Variants in EBF1 observed in about 807,000 individuals in gnomAD.
EBF1 encodes EBF transcription factor 1, also known as transcription factor COE1.
In EBF1, 10 loss-of-function variants were observed where a neutral mutation model predicts 68.4. The ratio of observed to expected loss-of-function variants is 0.15; its 90% CI spans 0.09 to 0.25. The LOEUF (loss-of-function observed/expected upper bound fraction) is 0.25, where lower values mean the gene tolerates loss of function less well. Among genes scored for constraint, EBF1 ranks in the 10% least tolerant of loss-of-function variants. EBF1 has a pLI of 1.00. For missense variants in EBF1, 509 were observed against 794.4 expected (o/e 0.64, Z 4.32); for synonymous variants, 298 against 299.8 (o/e 0.99, Z 0.06).
chr5:158,890,038 G>A (rs1800855893), intron 6 of EBF1, among the ~76,000 whole-genome samples: 1 of 152,124 alleles, frequency 6.6e-6, no homozygotes, highest in South Asian at 2.1e-4. Flanking sequence ...TGCAGATTTT[G>A]TTATCCAAGG....
At chr5:158,861,932 AAATTT>A (rs1347518149) in intron 6 of EBF1, among the ~76,000 whole-genome samples, 8 of 152,182 alleles carry the variant, frequency 5.3e-5, no homozygotes, top group Admixed American at 1.3e-4. Flanking sequence ...AAGTACATAC[AAATTT>A]AATAACCATA....
chr5:158,855,260 C>T (rs1402758698), intron 6 of EBF1, among the ~76,000 whole-genome samples: 2 of 152,174 alleles, frequency 1.3e-5, no homozygotes, highest in Non-Finnish European at 1.5e-5. Context: ...CAGGCTATAC[C>T]TTTTAAACTG....
chr5:158,818,945 A>C (rs1455899547), intron 8 of EBF1, among the ~76,000 whole-genome samples: 2 of 151,876 alleles, frequency 1.3e-5, no homozygotes, highest in African/African-American at 4.8e-5. Context: ...AAAAAAAAAA[A>C]AACTAGATCT....
At position 159,035,886 on chromosome 5, in the gene EBF1, C is replaced by T. The variant is rs149465213; in HGVS notation, c.554+37510G>A. Among the ~76,000 whole-genome samples the T allele has an allele frequency of 2.3e-4, 35 of 152,250 alleles. No individual in the cohort carries two copies. The East Asian group carries it at 5.0e-3, about 22-fold the overall frequency. On this transcript the variant is annotated intron_variant, in intron 6 of 15. Coordinates refer to ENST00000313708, the MANE Select transcript of EBF1 (RefSeq NM_024007.5). ...TCCCTTAAAATCTCCTTTTGGGGTT[C>T]GAAGGACCTTGAACTTTACCATTAA...
intron 6 of EBF1, among the ~76,000 whole-genome samples, chr5:158,873,378 C>G (rs74432691): frequency 6.6e-6 from 1 of 152,092 alleles, no homozygotes; most frequent in African/African-American, 2.4e-5. Context: ...TAGAGTGATT[C>G]GCCACATTTT....
At chr5:158,801,974 A>G (rs142674274) in intron 8 of EBF1, among the ~76,000 whole-genome samples, 197 of 152,274 alleles carry the variant, frequency 1.3e-3, no homozygotes, top group African/African-American at 4.5e-3. Context: ...TCAGCCTCCA[A>G]TAGAAATGAT....
chr5:159,035,582 T>C (rs986297172), intron 6 of EBF1, among the ~76,000 whole-genome samples: 1 of 152,252 alleles, frequency 6.6e-6, no homozygotes, highest in African/African-American at 2.4e-5. Context: ...TTCTACAAAC[T>C]AGCTGTAGAC....
intron 11 of EBF1, among the ~76,000 whole-genome samples, chr5:158,724,745 A>G (rs1317679884): frequency 2.0e-5 from 3 of 152,200 alleles, no homozygotes; most frequent in Non-Finnish European, 4.4e-5. Flanking sequence ...TATTTGGCAC[A>G]ATGCAGTGCA....
chr5:158,979,526 G>A (rs986706035), intron 6 of EBF1, among the ~76,000 whole-genome samples: 7 of 151,912 alleles, frequency 4.6e-5, no homozygotes, highest in African/African-American at 1.2e-4. Flanking sequence ...GATTTTTCCC[G>A]GCACTAATGC....
chr5:158,810,029 A>T (rs774021323), intron 8 of EBF1, among the ~76,000 whole-genome samples: 29 of 152,174 alleles, frequency 1.9e-4, no homozygotes, highest in Non-Finnish European at 3.5e-4. Context: ...AATCAAGGAG[A>T]GTTTCTAGGA....
chr5:158,779,055 G>C (rs1054625087), intron 9 of EBF1, among the ~76,000 whole-genome samples: 3 of 152,090 alleles, frequency 2.0e-5, no homozygotes, highest in Non-Finnish European at 4.4e-5. Context: ...GAAGAAAGAG[G>C]CTCTGAAGGG....
chr5:158,997,700 T>C lies in EBF1; in HGVS notation c.554+75696A>G, dbSNP rs139474276. 2.3e-3 allele frequency among the ~76,000 whole-genome samples: 356 copies of C among 152,282 alleles called. 1 individual carries two copies. Among genetic ancestry groups the C allele is most frequent in the African/African-American group, 8.2e-3 (342 of 41,556 alleles). ...AATAGTAGTTAATGAATGAAGCACA[T>C]GTAACATGTCATCCCTCTTGTAAAA... On this transcript the variant is annotated intron_variant, in intron 6 of 15. Coordinates refer to ENST00000313708, the MANE Select transcript of EBF1 (RefSeq NM_024007.5).
intron 6 of EBF1, among the ~76,000 whole-genome samples, chr5:159,065,541 C>T (rs1776640512): frequency 6.6e-6 from 1 of 152,160 alleles, no homozygotes; most frequent in Non-Finnish European, 1.5e-5. Flanking sequence ...TGTTCACACC[C>T]TACAGAAGGG....
intron 6 of EBF1, among the ~76,000 whole-genome samples, chr5:158,989,714 G>A (rs998874693): frequency 2.0e-5 from 3 of 152,070 alleles, no homozygotes; most frequent in Non-Finnish European, 4.4e-5. Flanking sequence ...GTCTGTAAGA[G>A]GTCAAGTGCC....
At chr5:159,019,564 C>T (rs573377996) in intron 6 of EBF1, among the ~76,000 whole-genome samples, 1 of 152,142 alleles carries the variant, frequency 6.6e-6, no homozygotes, top group Non-Finnish European at 1.5e-5. Context: ...TATTTTTTCT[C>T]CAAAGTGTTT....
intron 10 of EBF1, among the ~76,000 whole-genome samples, chr5:158,760,944 T>C (rs533894839): frequency 6.6e-6 from 1 of 152,320 alleles, no homozygotes; most frequent in East Asian, 1.9e-4. Context: ...TTTGTTTTTG[T>C]TTTTGTTTTA....
intron 10 of EBF1, among the ~76,000 whole-genome samples, chr5:158,757,158 A>G (rs893995489): frequency 6.6e-6 from 1 of 152,020 alleles, no homozygotes; most frequent in Non-Finnish European, 1.5e-5. Flanking sequence ...ACAAAATTTG[A>G]GAGGAGAAAA....
chr5:158,804,042 G>A (rs752981743), intron 8 of EBF1, among the ~76,000 whole-genome samples: 29 of 144,402 alleles, frequency 2.0e-4, no homozygotes, highest in Non-Finnish European at 3.5e-4. Context: ...CATACTAGAT[G>A]CAATTAAACC....
intron 6 of EBF1, among the ~76,000 whole-genome samples, chr5:159,045,605 G>A (rs1584231320): frequency 6.6e-6 from 1 of 152,096 alleles, no homozygotes; most frequent in East Asian, 1.9e-4. Flanking sequence ...TTTACTATAT[G>A]CATAATTTTT....
Sources: gnomAD v4.1 joint callset for allele counts (sites outside exome capture counted in the v4.1 genomes callset) on GRCh38, gnomAD v4.1.1 for gene constraint, MANE v1.5 for transcripts, NCBI Gene and HGNC (gene_info 2026-07-23, HGNC 2026-07-21) for gene names.